FIRRM: variants seen among roughly 807,000 people sequenced by gnomAD.
FIRRM encodes the protein FIGNL1-interacting regulator of recombination and mitosis.
chr1:169,793,648 T>C, the FIRRM span: 2 of 1,613,052 alleles, frequency 1.2e-6, no homozygotes, highest in Non-Finnish European at 1.7e-6. Flanking sequence ...TGGGTGTTAA[T>C]TCATTTTCCA....
the FIRRM span, among the ~76,000 whole-genome samples, chr1:169,791,597 T>G: frequency 2.0e-5 from 3 of 152,236 alleles, no homozygotes; most frequent in Non-Finnish European, 4.4e-5. Context: ...AATGTTAACA[T>G]ATGTAAAGCT....
the FIRRM span, chr1:169,827,811 A>C: frequency 1.2e-6 from 2 of 1,614,056 alleles, no homozygotes; most frequent in Non-Finnish European, 1.7e-6. Flanking sequence ...TGTGGTGCAC[A>C]GACAGCCAGG....
At chr1:169,847,618 C>T in the FIRRM span, 1 of 1,101,180 alleles carries the variant, frequency 9.1e-7, no homozygotes, top group South Asian at 1.4e-5. Flanking sequence ...CCATCCAAAT[C>T]TTAGGCAGTT....
At chr1:169,806,872 C>G in the FIRRM span, among the ~76,000 whole-genome samples, 1 of 152,186 alleles carries the variant, frequency 6.6e-6, no homozygotes, top group Non-Finnish European at 1.5e-5. Flanking sequence ...AACTTCTTGA[C>G]AGGGTTATAG....
At chr1:169,827,754 T>G in the FIRRM span, 1 of 1,614,194 alleles carries the variant, frequency 6.2e-7, no homozygotes, top group African/African-American at 1.3e-5. Flanking sequence ...TTCTTCTGGT[T>G]GTTGTCATGG....
chr1:169,789,610 CTCT>C, the FIRRM span, among the ~76,000 whole-genome samples: 1 of 152,206 alleles, frequency 6.6e-6, no homozygotes, highest in Non-Finnish European at 1.5e-5. Flanking sequence ...ACAAGACGCA[CTCT>C]TCTTCATCCT....
At chr1:169,827,470 T>C in the FIRRM span, among the ~76,000 whole-genome samples, 1 of 152,146 alleles carries the variant, frequency 6.6e-6, no homozygotes, top group Non-Finnish European at 1.5e-5. Flanking sequence ...AAACGCCATC[T>C]CTACTAAAAA....
At chr1:169,837,043 C>T in the FIRRM span, 2 of 1,612,910 alleles carry the variant, frequency 1.2e-6, no homozygotes, top group Non-Finnish European at 1.7e-6. Context: ...ATGAGGTCAC[C>T]ACAGTAGGCA....
chr1:169,852,421 T>C, the FIRRM span: 2 of 269,744 alleles, frequency 7.4e-6, no homozygotes, highest in South Asian at 5.2e-5. Context: ...TAGTAATTCA[T>C]GAAGAACAAC....
chr1:169,807,547 G>T, the FIRRM span, among the ~76,000 whole-genome samples: 2 of 152,118 alleles, frequency 1.3e-5, no homozygotes, highest in Non-Finnish European at 2.9e-5. Flanking sequence ...TCCAGGGCCT[G>T]GTAGAATGCC....
At chr1:169,837,146 C>T in the FIRRM span, 1 of 1,530,406 alleles carries the variant, frequency 6.5e-7, no homozygotes, top group South Asian at 1.3e-5. Flanking sequence ...TTTATTCATT[C>T]AGCAGCTGTT....
At chr1:169,849,224 A>C in the FIRRM span, among the ~76,000 whole-genome samples, 1 of 152,208 alleles carries the variant, frequency 6.6e-6, no homozygotes, top group African/African-American at 2.4e-5. Flanking sequence ...TGGAGATGGG[A>C]GCATGCCTCA....
the FIRRM span, among the ~76,000 whole-genome samples, chr1:169,812,806 G>A: frequency 6.6e-6 from 1 of 151,152 alleles, no homozygotes; most frequent in Admixed American, 6.6e-5. Context: ...GAAGTAAGCC[G>A]AGGTCATGCC....
chr1:169,809,050 G>C, the FIRRM span, among the ~76,000 whole-genome samples: 1 of 152,168 alleles, frequency 6.6e-6, no homozygotes, highest in Admixed American at 6.5e-5. Context: ...GGGTGAAAGT[G>C]TAGGGGTTCA....
the FIRRM span, chr1:169,807,883 A>G: frequency 1.2e-6 from 2 of 1,609,972 alleles, no homozygotes; most frequent in South Asian, 1.1e-5. Context: ...TTCTCCTTCC[A>G]TTCTTGTTTA....
chr1:169,795,284 C>T, the FIRRM span: 20 of 1,470,532 alleles, frequency 1.4e-5, no homozygotes, highest in East Asian at 3.0e-4. Flanking sequence ...CTCTTCTGTC[C>T]CTTCAGACCC....
chr1:169,796,702 C>T, the FIRRM span, among the ~76,000 whole-genome samples: 3 of 152,182 alleles, frequency 2.0e-5, no homozygotes, highest in Non-Finnish European at 2.9e-5. Context: ...ACATAGATCT[C>T]GTCATTTCCC....
the FIRRM span, chr1:169,806,031 C>G: frequency 6.2e-7 from 1 of 1,602,374 alleles, no homozygotes; most frequent in Non-Finnish European, 8.5e-7. Context: ...GATATCTGCT[C>G]TGTTATTTCC....
chr1:169,794,011 A>G, the FIRRM span: 1 of 212,214 alleles, frequency 4.7e-6, no homozygotes, highest in Admixed American at 5.8e-5. Flanking sequence ...CCCACCATAC[A>G]GCTGCTTTTT....
Sources: allele counts gnomAD v4.1 joint callset (sites outside exome capture counted in the v4.1 genomes callset), GRCh38; gene constraint gnomAD v4.1.1; transcripts MANE v1.5; gene names NCBI Gene and HGNC (gene_info 2026-07-23, HGNC 2026-07-21).